Variants in EPS15 observed in about 807,000 individuals in gnomAD.
EPS15 encodes epidermal growth factor receptor pathway substrate 15, also known as epidermal growth factor receptor substrate 15.
EPS15 carries 72 observed loss-of-function variants against 113.8 expected under a neutral mutation model. The observed-to-expected ratio is 0.63, with a 90% CI of 0.52 to 0.77. The LOEUF (loss-of-function observed/expected upper bound fraction) is 0.77. EPS15 is among the 30% of genes least tolerant of loss of function. EPS15 has a pLI of 0.00. For missense variants in EPS15, 1,048 were observed against 1,045.8 expected, an observed-to-expected ratio of 1.00 and a Z score of -0.03; for synonymous variants, 344 against 363.4, an observed-to-expected ratio of 0.95 and a Z score of 0.61.
chr1:51,478,537 T>C (rs375601444), intron 2 of EPS15, among the ~76,000 whole-genome samples: 5,131 of 151,522 alleles, frequency 0.034, 71 homozygotes, highest in Middle Eastern at 0.08. Context: ...GTTGATGCAG[T>C]TTCTTCCTAA....
chr1:51,495,225 A>G (rs1038688435), intron 1 of EPS15, among the ~76,000 whole-genome samples: 1 of 152,244 alleles, frequency 6.6e-6, no homozygotes, highest in Non-Finnish European at 1.5e-5. Context: ...TGGACCTACC[A>G]TTTATATAAA....
chr1:51,390,986 A>G (rs1647294770), intron 21 of EPS15, among the ~76,000 whole-genome samples: 2 of 152,348 alleles, frequency 1.3e-5, no homozygotes, highest in Middle Eastern at 3.4e-3. Flanking sequence ...AGGACTATAA[A>G]TCATGCTGCT....
intron 1 of EPS15, among the ~76,000 whole-genome samples, chr1:51,507,742 G>A (rs1644522349): frequency 6.6e-6 from 1 of 151,838 alleles, no homozygotes; most frequent in Non-Finnish European, 1.5e-5. Flanking sequence ...GTGTATGAAA[G>A]AGAGATAATA....
chr1:51,450,157 C>G (rs1339032446), intron 8 of EPS15, among the ~76,000 whole-genome samples: 1 of 151,676 alleles, frequency 6.6e-6, no homozygotes, highest in Non-Finnish European at 1.5e-5. Context: ...GGATTGGGCA[C>G]AACGTGGGAC....
At chr1:51,483,579 G>A (rs557792026) in intron 1 of EPS15, among the ~76,000 whole-genome samples, 3 of 151,982 alleles carry the variant, frequency 2.0e-5, no homozygotes, top group South Asian at 4.2e-4. Flanking sequence ...AGGCCAAGGT[G>A]GGCGGATCAC....
At chr1:51,385,745 T>C (rs72694164) in intron 21 of EPS15, among the ~76,000 whole-genome samples, 4,568 of 152,260 alleles carry the variant, frequency 0.03, 73 homozygotes, top group African/African-American at 0.05. Context: ...ATTCAATACA[T>C]TATACCATAT....
rs1198509247 is a variant in EPS15 at position 51,354,835 on chromosome 1, T to A, written c.*1865A>T. 5.0e-6 allele frequency: 1 copy of A among 200,456 alleles called. No individual in the cohort carries two copies. The highest frequency in any genetic ancestry group is 1.0e-5 in the Non-Finnish European group (1 of 96,954). The allele number at this position is 200,456 out of a possible 1,614,324, so 12.4% of individuals were successfully genotyped here. ...ACATTTATTACATTGAAAGTTGGTG[T>A]TTATAAGTTATAGATATTTAATATT... On this transcript the variant is annotated 3_prime_UTR_variant, in exon 25 of 25. Coordinates refer to ENST00000371733, the MANE Select transcript of EPS15 (RefSeq NM_001981.3).
rs541193932 is a variant in EPS15, at chr1:51,463,773, G to T, written c.401C>A (p.Ala134Glu). 1.3e-6 allele frequency: 2 copies of T among 1,596,894 alleles called. No individual in the cohort carries two copies. Among genetic ancestry groups the T allele is most frequent in the African/African-American group, 1.3e-5 (1 of 74,538 alleles). Residue 134 changes from alanine (A) to glutamate (E), a missense_variant, in exon 7 of 25, where the codon GCA becomes GAA. Physicochemically the swap from Ala to Glu is moderately radical, Grantham distance 107. Coordinates refer to ENST00000371733, the MANE Select transcript of EPS15 (RefSeq NM_001981.3). ...VKPEDKAKYD[A>E]IFDSLSPVNG... is the part of the protein sequence containing the mutation. ...CACTGGGCTTAAACTATCAAATATT[G>T]CATCATATTTGGCCTTATCTTCAGG...
intron 1 of EPS15, among the ~76,000 whole-genome samples, chr1:51,505,119 C>CAAAAA: frequency 7.2e-6 from 1 of 138,192 alleles, no homozygotes. Flanking sequence ...GACTGTGTCT[C>CAAAAA]AAAAAAAAAA....
At chr1:51,438,550 C>T (rs745993705) in intron 12 of EPS15, among the ~76,000 whole-genome samples, 13 of 152,086 alleles carry the variant, frequency 8.5e-5, no homozygotes, top group African/African-American at 1.2e-4. Flanking sequence ...AGTCCTAGAA[C>T]ATTGGTGTAT....
intron 21 of EPS15, among the ~76,000 whole-genome samples, chr1:51,367,130 C>T (rs1225582058): frequency 1.3e-5 from 2 of 152,150 alleles, no homozygotes; most frequent in Admixed American, 6.5e-5. Flanking sequence ...AATCTGGAAA[C>T]GGAGCAAAGA....
intron 11 of EPS15, among the ~76,000 whole-genome samples, chr1:51,441,991 T>C (rs1290367309): frequency 1.3e-5 from 2 of 152,148 alleles, no homozygotes; most frequent in South Asian, 2.1e-4. Context: ...GTTTTAGTAC[T>C]GAGCTGTTTT....
chr1:51,494,034 C>G (rs1644287244), intron 1 of EPS15, among the ~76,000 whole-genome samples: 1 of 152,168 alleles, frequency 6.6e-6, no homozygotes, highest in South Asian at 2.1e-4. Context: ...CTTCTCTACC[C>G]CAACCCTACA....
At chr1:51,362,512 T>C (rs1382782370) in intron 23 of EPS15, among the ~76,000 whole-genome samples, 1 of 152,238 alleles carries the variant, frequency 6.6e-6, no homozygotes, top group Non-Finnish European at 1.5e-5. Flanking sequence ...ATTGGCATCA[T>C]GCAAGTTGTA....
chr1:51,486,088 A>G (rs1334072630), intron 1 of EPS15, among the ~76,000 whole-genome samples: 1 of 150,700 alleles, frequency 6.6e-6, no homozygotes, highest in Non-Finnish European at 1.5e-5. Flanking sequence ...GTGAGCCACC[A>G]TGCGCAGTCG....
At chr1:51,364,334 C>A (rs1296060772) in intron 22 of EPS15, among the ~76,000 whole-genome samples, 1 of 152,040 alleles carries the variant, frequency 6.6e-6, no homozygotes, top group Non-Finnish European at 1.5e-5. Context: ...ACCTGAGGCC[C>A]ATTTTAAAGG....
At chr1:51,476,612 C>T (rs569538597) in intron 2 of EPS15, among the ~76,000 whole-genome samples, 123 of 152,078 alleles carry the variant, frequency 8.1e-4, no homozygotes, top group Non-Finnish European at 1.3e-3. Context: ...GTCTTGCTAG[C>T]GGTCTATCAA....
At chr1:51,362,061 T>C (rs1163699805) in intron 23 of EPS15, among the ~76,000 whole-genome samples, 1 of 151,790 alleles carries the variant, frequency 6.6e-6, no homozygotes, top group Non-Finnish European at 1.5e-5. Context: ...TAAGTCTTAC[T>C]TAAACTTAGT....
intron 8 of EPS15, among the ~76,000 whole-genome samples, chr1:51,456,220 G>C (rs1264662993): frequency 1.3e-5 from 2 of 152,130 alleles, no homozygotes; most frequent in African/African-American, 4.8e-5. Flanking sequence ...AAAGACTCAA[G>C]TTCAAGCAAG....
Sources: gnomAD v4.1 joint callset for allele counts (sites outside exome capture counted in the v4.1 genomes callset) on GRCh38, gnomAD v4.1.1 for gene constraint, MANE v1.5 for transcripts, NCBI Gene and HGNC (gene_info 2026-07-23, HGNC 2026-07-21) for gene names.